TMEM150C: variants seen among roughly 807,000 people sequenced by gnomAD.
The protein encoded by TMEM150C is tentonin 3.
In TMEM150C, 10 loss-of-function variants were observed where a neutral mutation model predicts 29.9. The ratio of observed to expected loss-of-function variants is 0.33; its 90% CI spans 0.21 to 0.57. TMEM150C has a LOEUF of 0.57. Ranked by LOEUF, TMEM150C falls within the 20% of genes least tolerant of loss-of-function variation. The pLI is 0.88. For synonymous variants in TMEM150C, 101 were observed against 112.5 expected, an observed-to-expected ratio of 0.90 and a Z score of 0.64; for missense variants, 251 against 303.6, an observed-to-expected ratio of 0.83 and a Z score of 1.29.
Position 82,547,421 on chromosome 4 carries a change from T to C in TMEM150C, c.-11+14485A>G, listed in dbSNP as rs1239542400. ...CTGGCCAATATGGTGAAACCCCATC[T>C]CTACTAAAAATACAAAAATCAGCCG... On this transcript the variant is annotated intron_variant, in intron 1 of 7. Transcript: ENST00000449862. Among the ~76,000 whole-genome samples, 8 of 151,928 alleles carry C rather than the reference T, an allele frequency of 5.3e-5. No homozygotes were observed. The East Asian group carries it at 7.7e-4, about 15-fold the overall frequency.
At chr4:82,561,149 T>C (rs182566889) in intron 1 of TMEM150C, among the ~76,000 whole-genome samples, 9 of 152,336 alleles carry the variant, frequency 5.9e-5, no homozygotes, top group Non-Finnish European at 8.8e-5. Context: ...AACCCTCTCA[T>C]ACTCCATTTG....
intron 1 of TMEM150C, among the ~76,000 whole-genome samples, chr4:82,539,938 C>G (rs542236697): frequency 1.1e-4 from 17 of 152,116 alleles, no homozygotes; most frequent in African/African-American, 3.6e-4. Context: ...GAAAACCACT[C>G]TTGCCAAATT....
intron 6 of TMEM150C, chr4:82,494,960 A>C: frequency 1.6e-6 from 1 of 626,574 alleles, no homozygotes; most frequent in Non-Finnish European, 2.9e-6. Context: ...AAAGTTTAGC[A>C]TATTCTGCAG....
At chr4:82,527,836 C>A (rs75480697) in intron 1 of TMEM150C, among the ~76,000 whole-genome samples, 5,451 of 152,138 alleles carry the variant, frequency 0.036, 303 homozygotes, top group African/African-American at 0.12. Flanking sequence ...TAGATATAAA[C>A]GGGTTGAAAG....
intron 1 of TMEM150C, among the ~76,000 whole-genome samples, chr4:82,554,372 T>C (rs1725672455): frequency 1.3e-5 from 2 of 152,178 alleles, no homozygotes; most frequent in African/African-American, 4.8e-5. Flanking sequence ...ACTATTTCTA[T>C]TGGGATTGCA....
At chr4:82,500,222 C>A (rs1723694030) in intron 5 of TMEM150C, among the ~76,000 whole-genome samples, 1 of 152,180 alleles carries the variant, frequency 6.6e-6, no homozygotes, top group Admixed American at 6.5e-5. Context: ...TACACTGACT[C>A]ATTTTTAGAT....
At chr4:82,518,599 G>C (rs774236321) in intron 1 of TMEM150C, among the ~76,000 whole-genome samples, 2 of 152,162 alleles carry the variant, frequency 1.3e-5, no homozygotes, top group Non-Finnish European at 2.9e-5. Flanking sequence ...AGGGCAGGGC[G>C]GAGTTTGGGG....
rs1197264258 is a variant in TMEM150C, at chr4:82,499,719, C to CAAAAAAA, written c.235+3001_235+3007dup. ...GCCTGGGTGACAGAGACTCCGTCTC[C>CAAAAAAA]AAAAAAAAAAAAAAAAAAAAAAAAA... On this transcript the variant is annotated intron_variant, in intron 5 of 7. Transcript: ENST00000449862. 6.5e-4 allele frequency among the ~76,000 whole-genome samples: 26 copies of CAAAAAAA among 40,286 alleles called. 2 individuals are homozygous for CAAAAAAA. Among genetic ancestry groups the CAAAAAAA allele is most frequent in the African/African-American group, 2.3e-3 (21 of 8,938 alleles). The allele number at this position is 40,286 out of a possible 152,430, so 26.4% of individuals were successfully genotyped here. A position where few individuals can be genotyped will look rare whatever the true frequency, so the allele number is the denominator to read the frequency against.
At chr4:82,537,147 A>C (rs1486184284) in intron 1 of TMEM150C, among the ~76,000 whole-genome samples, 1 of 151,834 alleles carries the variant, frequency 6.6e-6, no homozygotes, top group Non-Finnish European at 1.5e-5. Flanking sequence ...ACACCCGGCT[A>C]ATTTTTTTTG....
chr4:82,532,817 C>T (rs1724889740), intron 1 of TMEM150C, among the ~76,000 whole-genome samples: 2 of 151,986 alleles, frequency 1.3e-5, no homozygotes, highest in Non-Finnish European at 2.9e-5. Flanking sequence ...CAAGCTCCAC[C>T]TCCTGGGTTC....
chr4:82,522,746 G>A (rs748999772), intron 1 of TMEM150C, among the ~76,000 whole-genome samples: 7 of 152,214 alleles, frequency 4.6e-5, no homozygotes, highest in Non-Finnish European at 1.0e-4. Flanking sequence ...GCATGAGCAA[G>A]TGGGAATCTA....
At chr4:82,531,754 C>CAAAAA (rs757992713) in intron 1 of TMEM150C, among the ~76,000 whole-genome samples, 1 of 62,292 alleles carries the variant, frequency 1.6e-5, no homozygotes, top group African/African-American at 4.6e-5. Context: ...GACTCTGTCT[C>CAAAAA]AAAAAAAAAA....
intron 2 of TMEM150C, among the ~76,000 whole-genome samples, chr4:82,504,285 C>T (rs1723830203): frequency 6.6e-6 from 1 of 152,158 alleles, no homozygotes; most frequent in African/African-American, 2.4e-5. Context: ...CTCAATGCAA[C>T]CTCTGCCTCC....
rs556403701 is a variant in TMEM150C at position 82,561,441 on chromosome 4, G to A, written c.-11+465C>T. Among the ~76,000 whole-genome samples, 325 of 152,318 alleles carry A rather than the reference G, an allele frequency of 2.1e-3. 2 individuals are homozygous for A. Among genetic ancestry groups the A allele is most frequent in the Admixed American group, 4.8e-3 (74 of 15,300 alleles). On this transcript the variant is annotated intron_variant, in intron 1 of 7. Transcript: ENST00000449862. Reference sequence around the variant, plus strand: ...CTGACCTGGCTAACCGCAAAGTGCAGGGAGAATGGCACAGGGACCGGGAGG... The same window carrying A: ...CTGACCTGGCTAACCGCAAAGTGCAAGGAGAATGGCACAGGGACCGGGAGG...
intron 1 of TMEM150C, among the ~76,000 whole-genome samples, chr4:82,513,367 A>G (rs1038498219): frequency 2.6e-5 from 4 of 152,224 alleles, no homozygotes; most frequent in African/African-American, 9.6e-5. Context: ...TAGAAGGAAA[A>G]CTAACAAACA....
At chr4:82,497,775 C>G (rs1298508133) in intron 5 of TMEM150C, among the ~76,000 whole-genome samples, 1 of 152,026 alleles carries the variant, frequency 6.6e-6, no homozygotes, top group African/African-American at 2.4e-5. Context: ...TTAACAATGA[C>G]AATAACAATC....
intron 1 of TMEM150C, among the ~76,000 whole-genome samples, chr4:82,544,605 C>T (rs913485822): frequency 1.3e-5 from 2 of 152,088 alleles, no homozygotes; most frequent in African/African-American, 2.4e-5. Flanking sequence ...ATGGCAAAAC[C>T]TTGTTTGCAC....
At chr4:82,491,494 T>C (rs1180707560) in intron 6 of TMEM150C, 2 of 678,252 alleles carry the variant, frequency 2.9e-6, no homozygotes, top group South Asian at 1.7e-5. Flanking sequence ...AGGTCACTTT[T>C]GGGCTGGATG....
Position 82,505,734 on chromosome 4 carries a change from A to G in TMEM150C, c.-10-1067T>C, listed in dbSNP as rs577792460. ...ATTAGTGCTAATAAATAGACTGAAA[A>G]AAATACATATGTCTGGCGTTTTGGA... On this transcript the variant is annotated intron_variant, in intron 1 of 7. Transcript: ENST00000449862. Among the ~76,000 whole-genome samples, 22 of 152,364 alleles carry G rather than the reference A, an allele frequency of 1.4e-4. 3 individuals carry two copies. The South Asian group carries it at 4.6e-3, about 32-fold the overall frequency.
Sources: gnomAD v4.1 joint callset for allele counts (sites outside exome capture counted in the v4.1 genomes callset) on GRCh38, gnomAD v4.1.1 for gene constraint, MANE v1.5 for transcripts, NCBI Gene and HGNC (gene_info 2026-07-23, HGNC 2026-07-21) for gene names.